ZFAT: variants seen among roughly 807,000 people sequenced by gnomAD.
ZFAT encodes zinc finger protein ZFAT.
In ZFAT, 64 loss-of-function variants were observed where a neutral mutation model predicts 117.7. The ratio of observed to expected loss-of-function variants is 0.54; its 90% CI spans 0.44 to 0.67. ZFAT has a LOEUF of 0.67. Ranked by LOEUF, ZFAT falls within the 30% of genes least tolerant of loss-of-function variation. ZFAT has a pLI of 0.00. For synonymous variants in ZFAT, 679 were observed against 615.0 expected, an observed-to-expected ratio of 1.10 and a Z score of -1.54; for missense variants, 1,433 against 1,584.5, an observed-to-expected ratio of 0.90 and a Z score of 1.62.
chr8:134,527,662 T>A (rs972382560), intron 12 of ZFAT, among the ~76,000 whole-genome samples: 44 of 152,166 alleles, frequency 2.9e-4, no homozygotes, highest in African/African-American at 1.0e-3. Context: ...CATGCAATAT[T>A]AGATCCTACC....
At chr8:134,730,541 G>A in the ZFAT span, among the ~76,000 whole-genome samples, 1 of 152,168 alleles carries the variant, frequency 6.6e-6, no homozygotes, top group Admixed American at 6.5e-5. Flanking sequence ...TAGAGGAGAA[G>A]ATGAATAAAT....
At position 134,512,514 on chromosome 8, in the gene ZFAT, C is replaced by A; in HGVS notation, c.3322G>T (p.Val1108Leu). ...EEDVQGTQAA[V>L]AALQDLRYTS... ...TATCTCAGGTCCTGGAGCGCGGCCA[C>A]CGCTGCCTGTGTCCCTTGAACGTCT... The change falls in exon 14 of 16, where the codon GTG (valine) becomes TTG (leucine). Residue 1108 changes from valine to leucine, a missense_variant. Around this residue, in one of 5 missense-constraint regions of ZFAT, gnomAD observed 503 missense variants for 543.4 expected, o/e 0.93. Transcript: ENST00000377838. 1.2e-6 allele frequency: 2 copies of A among 1,614,052 alleles called. No individual in the cohort carries two copies. The highest frequency in any genetic ancestry group is 1.7e-6 in the Non-Finnish European group (2 of 1,179,900).
the ZFAT span, among the ~76,000 whole-genome samples, chr8:134,751,405 GA>G: frequency 1.3e-5 from 2 of 152,160 alleles, no homozygotes; most frequent in African/African-American, 4.8e-5. Context: ...CACCAGTCGG[GA>G]TACGTGGGTT....
chr8:134,598,767 A>G (rs1827164172), intron 7 of ZFAT: 1 of 152,258 alleles, frequency 6.6e-6, no homozygotes, highest in Non-Finnish European at 1.5e-5. Context: ...AGAATCAATA[A>G]TGATAATAGT....
chr8:134,708,006 CA>C (rs1813850872), intron 1 of ZFAT, among the ~76,000 whole-genome samples: 1 of 149,224 alleles, frequency 6.7e-6, no homozygotes. Context: ...GAATATTATT[CA>C]GCTGTAAAAA....
intron 1 of ZFAT, among the ~76,000 whole-genome samples, chr8:134,709,051 C>T (rs942392734): frequency 6.6e-6 from 1 of 152,150 alleles, no homozygotes; most frequent in Non-Finnish European, 1.5e-5. Context: ...TTTCAGGAGG[C>T]CGAGGCCAGT....
chr8:134,821,531 T>C, the ZFAT span, among the ~76,000 whole-genome samples: 3 of 151,072 alleles, frequency 2.0e-5, no homozygotes, highest in South Asian at 2.1e-4. Flanking sequence ...CTGTAAACCA[T>C]GTCACATGCA....
chr8:134,519,282 C>A (rs1820468882), intron 13 of ZFAT, among the ~76,000 whole-genome samples: 2 of 152,108 alleles, frequency 1.3e-5, no homozygotes, highest in Non-Finnish European at 2.9e-5. Context: ...ATTTCCTCAA[C>A]TCTAGGTTTA....
At chr8:134,700,579 A>G (rs551359639) in intron 1 of ZFAT, among the ~76,000 whole-genome samples, 1 of 152,182 alleles carries the variant, frequency 6.6e-6, no homozygotes, top group Non-Finnish European at 1.5e-5. Flanking sequence ...AAGAATGCAC[A>G]CGGACCTGGA....
At chr8:134,804,013 G>T in the ZFAT span, among the ~76,000 whole-genome samples, 1 of 152,052 alleles carries the variant, frequency 6.6e-6, no homozygotes, top group Non-Finnish European at 1.5e-5. Flanking sequence ...AAATAGAAAT[G>T]TTTTCCAGTG....
chr8:134,832,219 A>C, the ZFAT span, among the ~76,000 whole-genome samples: 1 of 150,944 alleles, frequency 6.6e-6, no homozygotes, highest in African/African-American at 2.4e-5. Flanking sequence ...CGCGTCCGTC[A>C]TGGCGCGCGG....
intron 1 of ZFAT, among the ~76,000 whole-genome samples, chr8:134,658,952 A>G (rs1449464083): frequency 6.6e-6 from 1 of 152,216 alleles, no homozygotes; most frequent in Non-Finnish European, 1.5e-5. Context: ...AGAAAGCACA[A>G]CACTGACTCG....
the ZFAT span, among the ~76,000 whole-genome samples, chr8:134,780,278 G>A: frequency 1.3e-5 from 2 of 152,186 alleles, no homozygotes; most frequent in Non-Finnish European, 2.9e-5. Context: ...GAGGCAACCA[G>A]TGTGAATGTT....
At chr8:134,729,702 G>A in the ZFAT span, among the ~76,000 whole-genome samples, 2 of 152,052 alleles carry the variant, frequency 1.3e-5, no homozygotes, top group East Asian at 1.9e-4. Context: ...GAATAGCATC[G>A]TCCTTATAAG....
chr8:134,490,469 T>C (rs1817971981), intron 15 of ZFAT, among the ~76,000 whole-genome samples: 1 of 152,194 alleles, frequency 6.6e-6, no homozygotes, highest in African/African-American at 2.4e-5. Flanking sequence ...CTGGGGTACT[T>C]GGCGATGTCT....
chr8:134,697,439 T>C (rs751353927), intron 1 of ZFAT, among the ~76,000 whole-genome samples: 54 of 145,596 alleles, frequency 3.7e-4, no homozygotes, highest in Non-Finnish European at 6.2e-4. Context: ...AGAGAAGGGG[T>C]TTCACCAGCC....
intron 1 of ZFAT, among the ~76,000 whole-genome samples, chr8:134,696,218 A>T (rs11166667): frequency 2.0e-5 from 3 of 152,120 alleles, no homozygotes; most frequent in Non-Finnish European, 2.9e-5. Flanking sequence ...CCAGGCGCGG[A>T]CCATCTCTAA....
At chr8:134,726,756 C>T in the ZFAT span, among the ~76,000 whole-genome samples, 1 of 152,072 alleles carries the variant, frequency 6.6e-6, no homozygotes. Context: ...TGAACGCCAC[C>T]ATGCCTGGCT....
intron 11 of ZFAT, among the ~76,000 whole-genome samples, chr8:134,536,678 A>G (rs545408228): frequency 1.3e-5 from 2 of 152,334 alleles, no homozygotes; most frequent in Admixed American, 1.3e-4. Context: ...TATGAAGCAT[A>G]TATTTACTGA....
Sources: allele counts gnomAD v4.1 joint callset (sites outside exome capture counted in the v4.1 genomes callset), GRCh38; gene constraint gnomAD v4.1.1; regional missense constraint gnomAD v4.1.1; transcripts MANE v1.5; gene names NCBI Gene and HGNC (gene_info 2026-07-23, HGNC 2026-07-21).